The following NBPF26 variants were observed in gnomAD, a reference collection of about 807,000 sequenced individuals.
NBPF26 encodes NBPF member 26, also known as NBPF family member NBPF26.
NBPF26 carries 79 observed loss-of-function variants against 119.6 expected under a neutral mutation model. The ratio of observed to expected loss-of-function variants is 0.66; its 90% CI spans 0.55 to 0.80. The LOEUF is 0.80. Ranked by LOEUF, NBPF26 falls within the 30% of genes least tolerant of loss-of-function variation. The pLI, the probability that NBPF26 is intolerant of heterozygous loss-of-function variation, is 0.00. For missense variants in NBPF26, 800 were observed against 1,198.2 expected, an observed-to-expected ratio of 0.67 and a Z score of 4.91; for synonymous variants, 299 against 457.7, an observed-to-expected ratio of 0.65 and a Z score of 4.43.
At chr1:120,813,946 C>G in exon 11 of NBPF26, 1 of 1,503,978 alleles carries the variant, frequency 6.6e-7, no homozygotes, top group Admixed American at 1.7e-5. Context: ...AGCGACAGTT[C>G]AAGGAGGAGA....
At chr1:120,838,716 T>G (rs1279035423) in intron 27 of NBPF26, 29 bp from the exon 34 acceptor site, 5 of 38,700 alleles carry the variant, frequency 1.3e-4, no homozygotes, top group African/African-American at 1.1e-3. Flanking sequence ...TTCCCCTGGC[T>G]TATTCTTTAC....
rs1321748669 is a variant in NBPF26, at chr1:120,794,489, C to T, written c.751+993C>T. ...GTAATGTGCTAAGTAAGCAGAATTG[C>T]CTCAAAAAGAAGTTGTTCTAGTTAC... On this transcript the variant is annotated intron_variant, in intron 4 of 29. Coordinates refer to ENST00000620612, the Ensembl canonical transcript of NBPF26. Among the ~76,000 whole-genome samples, 3 of 112,392 alleles carry T rather than the reference C, an allele frequency of 2.7e-5. 1 individual carries two copies. The highest frequency in any genetic ancestry group is 5.0e-5 in the Non-Finnish European group (3 of 59,494). 73.7% of individuals were successfully genotyped at this position (112,392 alleles called of 152,430 possible).
At chr1:120,768,488 CAT>C (rs1651219856) in intron 2 of NBPF26, among the ~76,000 whole-genome samples, 1 of 105,704 alleles carries the variant, frequency 9.5e-6, no homozygotes. Context: ...TTTTTCTCCT[CAT>C]ATTCTAGCTG....
rs1460871372 is a variant in NBPF26, at chr1:120,728,980, T to C, written c.73+4730T>C. Among the ~76,000 whole-genome samples the C allele has an allele frequency of 9.9e-3, 1,145 of 116,050 alleles. 192 individuals are homozygous for C. The highest frequency in any genetic ancestry group is 0.013 in the Non-Finnish European group (807 of 60,824). 76.1% of individuals were successfully genotyped at this position (116,050 alleles called of 152,430 possible). A position where few individuals can be genotyped will look rare whatever the true frequency, so the allele number is the denominator to read the frequency against. On this transcript the variant is annotated intron_variant, in intron 1 of 29. Transcript: ENST00000620612. The stretch of plus-strand genomic sequence containing the variant: ...CTGTGCTACACACATTTCTTCTCTG[T>C]ACTACAGAACTTGTCTGGCATGTGC...
intron 1 of NBPF26, among the ~76,000 whole-genome samples, chr1:120,757,958 AG>A (rs1293412790): frequency 1.6e-5 from 1 of 61,656 alleles, no homozygotes; most frequent in Admixed American, 1.7e-4. Flanking sequence ...TTACAAGGAT[AG>A]GGGGTGGTGG....
chr1:120,818,483 T>C (rs76036589), intron 15 of NBPF26, among the ~76,000 whole-genome samples: 9,415 of 123,546 alleles, frequency 0.076, 2,916 homozygotes, highest in African/African-American at 0.27. Flanking sequence ...CTCTCTCTCC[T>C]TTAGTTCTGC....
rs1651318852 is a variant in NBPF26 at position 120,778,079 on chromosome 1, T to C, written c.156-6895T>C. Among the ~76,000 whole-genome samples the C allele has an allele frequency of 2.4e-5, 2 of 81,892 alleles. 1 individual carries two copies. Among genetic ancestry groups the C allele is most frequent in the African/African-American group, 1.9e-4 (2 of 10,602 alleles). The allele number at this position is 81,892 out of a possible 152,430, so 53.7% of individuals were successfully genotyped here. On this transcript the variant is annotated intron_variant, in intron 2 of 29. Coordinates refer to ENST00000620612, the Ensembl canonical transcript of NBPF26. ...GCTGTTAGCAATTACTTTTATCTACTTTAACAGGGGGGACAGAGTAGGGGG... is the reference window on the plus strand; with the variant it reads ...GCTGTTAGCAATTACTTTTATCTACCTTAACAGGGGGGACAGAGTAGGGGG...
intron 14 of NBPF26, among the ~76,000 whole-genome samples, chr1:120,817,447 G>T (rs1210663137): frequency 1.1e-4 from 1 of 9,496 alleles, no homozygotes; most frequent in Non-Finnish European, 1.8e-4. Flanking sequence ...TTTTTTTTTT[G>T]CGATGGAGTC....
chr1:120,816,893 G>T, intron 14 of NBPF26, 66 bp downstream of exon 14: 1 of 1,444,292 alleles, frequency 6.9e-7, no homozygotes, highest in Non-Finnish European at 9.3e-7. Context: ...TCTGAAGACA[G>T]GCTCTATAAA....
In NBPF26 at chr1:120,823,829, C is replaced by T. The variant is rs1160322844; in HGVS notation, c.2640-145C>T. 8 of 558,248 alleles carry T rather than the reference C, an allele frequency of 1.4e-5. 2 individuals are homozygous for T. Among genetic ancestry groups the T allele is most frequent in the Non-Finnish European group, 2.2e-5 (7 of 312,572 alleles). 34.6% of individuals were successfully genotyped at this position (558,248 alleles called of 1,614,324 possible). On this transcript the variant is annotated intron_variant, in intron 17 of 29. Transcript: ENST00000620612. ...TCTACCTGGCCCTGTTCTATCCCAA[C>T]ATAAAGGCAATAATCTGTTACCTCA...
rs1652483010 is a variant in NBPF26, at chr1:120,840,286, C to G, written c.4104-64C>G. 13 of 1,444,774 alleles carry G rather than the reference C, an allele frequency of 9.0e-6. 2 individuals carry two copies. In the Admixed American group the frequency reaches 1.6e-4, roughly 17 times the overall value. The allele number at this position is 1,444,774 out of a possible 1,614,324, so 89.5% of individuals were successfully genotyped here. On this transcript the variant is annotated intron_variant, in intron 29 of 29. Transcript: ENST00000620612. ...CACTTCCTTATGTTACTTCTGAAAT[C>G]TAGTGGGGCTCTGTGGTGTCCGATT...
At chr1:120,840,728 C>A, downstream of NBPF26, 2 of 1,197,084 alleles carry the variant, frequency 1.7e-6, 1 homozygote, top group Non-Finnish European at 2.3e-6. Context: ...TATTCCTATT[C>A]TCAAACCATG....
intron 14 of NBPF26, among the ~76,000 whole-genome samples, chr1:120,817,127 A>T (rs1461051881): frequency 0.55 from 62,250 of 113,738 alleles, 24,227 homozygotes; most frequent in Middle Eastern, 0.64. Context: ...GTCATCTGTG[A>T]TTAAGTCATC....
At position 120,783,621 on chromosome 1, in the gene NBPF26, C is replaced by T. The variant is rs1284739894; in HGVS notation, c.156-1353C>T. Among the ~76,000 whole-genome samples the T allele has an allele frequency of 5.9e-5, 6 of 101,320 alleles. No individual in the cohort carries two copies. In the East Asian group the frequency reaches 1.2e-3, roughly 20 times the overall value. 66.5% of individuals were successfully genotyped at this position (101,320 alleles called of 152,430 possible). ...GAGAGATGACTTCTAGAAAACTGAA[C>T]ATATGGGACTGGAACAGTGTATTTT... On this transcript the variant is annotated intron_variant, in intron 2 of 29. Transcript: ENST00000620612.
chr1:120,811,936 G>T lies in NBPF26; in HGVS notation c.1615G>T (p.Gly539Cys), dbSNP rs1553271033. ...AAACGTCAGCATGGTGGTATCAGCCGGCCCTTTGTCCGGCGAGAAGGCAGC... is the reference window on the plus strand; with the variant it reads ...AAACGTCAGCATGGTGGTATCAGCCTGCCCTTTGTCCGGCGAGAAGGCAGC... The change falls in exon 10 of 30, where the codon GGC becomes TGC. Residue 539 changes from glycine (G) to cysteine (C), a missense_variant. Coordinates refer to ENST00000620612, the Ensembl canonical transcript of NBPF26. The T allele has an allele frequency of 2.5e-4, 294 of 1,166,312 alleles. 68 individuals are homozygous for T. In the South Asian group the frequency reaches 3.7e-3, roughly 14 times the overall value. 72.2% of individuals were successfully genotyped at this position (1,166,312 alleles called of 1,614,324 possible). A position where few individuals can be genotyped will look rare whatever the true frequency, so the allele number is the denominator to read the frequency against.
rs1176893470 is a variant in NBPF26 at position 120,816,291 on chromosome 1, G to T, written c.2165+134G>T. ...GCCACAGTATGTGAAATATAACCCA[G>T]CTTAGACACAGGGTGCGGTAGCTGT... On this transcript the variant is annotated intron_variant, in intron 13 of 29. Transcript: ENST00000620612. 40 of 719,272 alleles carry T rather than the reference G, an allele frequency of 5.6e-5. 8 individuals are homozygous for T. Among genetic ancestry groups the T allele is most frequent in the African/African-American group, 1.2e-4 (4 of 32,586 alleles). 44.6% of individuals were successfully genotyped at this position (719,272 alleles called of 1,614,324 possible). A position where few individuals can be genotyped will look rare whatever the true frequency, so the allele number is the denominator to read the frequency against.
chr1:120,808,273 A>T (rs1473899369), intron 6 of NBPF26, among the ~76,000 whole-genome samples: 4 of 120,924 alleles, frequency 3.3e-5, no homozygotes, highest in African/African-American at 1.7e-4. Flanking sequence ...TGTCTTTTTG[A>T]AACGGAATTA....
Position 120,811,067 on chromosome 1 carries a change from C to T in NBPF26, c.1564+509C>T, listed in dbSNP as rs1191395022. 4.2e-5 allele frequency among the ~76,000 whole-genome samples: 4 copies of T among 95,596 alleles called. 1 individual carries two copies. The highest frequency in any genetic ancestry group is 2.3e-4 in the East Asian group (1 of 4,324). The allele number at this position is 95,596 out of a possible 152,430, so 62.7% of individuals were successfully genotyped here. ...CATCCTGGCTAACACGGTGAAACCC[C>T]GTCTTTACTAAAAATACAAAAAAAA... On this transcript the variant is annotated intron_variant, in intron 9 of 29. Coordinates refer to ENST00000620612, the Ensembl canonical transcript of NBPF26.
intron 2 of NBPF26, among the ~76,000 whole-genome samples, chr1:120,770,178 G>GA (rs1651246186): frequency 1.1e-5 from 1 of 93,596 alleles, no homozygotes; most frequent in Non-Finnish European, 2.0e-5. Flanking sequence ...TTTTGTTGTT[G>GA]TTTTTTTTTG....
Sources: allele counts gnomAD v4.1 joint callset (sites outside exome capture counted in the v4.1 genomes callset), GRCh38; gene constraint gnomAD v4.1.1; transcripts MANE v1.5; gene names NCBI Gene and HGNC (gene_info 2026-07-23, HGNC 2026-07-21).